Variants in KCTD16 observed in about 807,000 individuals in gnomAD.
The protein encoded by KCTD16 is BTB/POZ domain-containing protein KCTD16.
In KCTD16, 13 loss-of-function variants were observed where a neutral mutation model predicts 33.2. The observed-to-expected ratio is 0.39, with a 90% CI of 0.25 to 0.62. The LOEUF (loss-of-function observed/expected upper bound fraction) is 0.62, where lower values mean the gene tolerates loss of function less well. Ranked by LOEUF, KCTD16 falls within the 20% of genes least tolerant of loss-of-function variation. KCTD16 has a pLI of 0.50. For synonymous variants in KCTD16, 197 were observed against 195.3 expected (o/e 1.01, Z -0.07); for missense variants, 441 against 525.1 (o/e 0.84, Z 1.57).
intron 3 of KCTD16, among the ~76,000 whole-genome samples, chr5:144,247,056 G>A (rs1225624664): frequency 6.6e-6 from 1 of 152,140 alleles, no homozygotes; most frequent in Non-Finnish European, 1.5e-5. Flanking sequence ...AGTTTATTAG[G>A]TAAAGCACTT....
chr5:144,297,228 A>G (rs1267043486), intron 3 of KCTD16, among the ~76,000 whole-genome samples: 1 of 152,232 alleles, frequency 6.6e-6, no homozygotes, highest in Admixed American at 6.5e-5. Context: ...TTGCTGTAGG[A>G]AAAGTAAAAC....
At chr5:144,406,401 A>G (rs1752809950) in intron 3 of KCTD16, among the ~76,000 whole-genome samples, 1 of 152,246 alleles carries the variant, frequency 6.6e-6, no homozygotes, top group African/African-American at 2.4e-5. Context: ...TCAGAGAGTT[A>G]TTTATAATTT....
intron 3 of KCTD16, among the ~76,000 whole-genome samples, chr5:144,313,354 A>G (rs1251215755): frequency 6.6e-6 from 1 of 152,204 alleles, no homozygotes; most frequent in African/African-American, 2.4e-5. Context: ...GTTTTCTGCC[A>G]AACACACCCT....
At chr5:144,391,451 G>T (rs1388896031) in intron 3 of KCTD16, among the ~76,000 whole-genome samples, 1 of 152,166 alleles carries the variant, frequency 6.6e-6, no homozygotes, top group East Asian at 1.9e-4. Flanking sequence ...CCCAGGTGTT[G>T]TATTAATAAT....
chr5:144,269,164 G>C (rs888011644), intron 3 of KCTD16, among the ~76,000 whole-genome samples: 2 of 151,866 alleles, frequency 1.3e-5, no homozygotes, highest in African/African-American at 4.8e-5. Flanking sequence ...TGGGAAAAGG[G>C]GCAGAGAGAA....
At chr5:144,380,610 C>G (rs1008616951) in intron 3 of KCTD16, among the ~76,000 whole-genome samples, 2 of 152,082 alleles carry the variant, frequency 1.3e-5, no homozygotes, top group Non-Finnish European at 2.9e-5. Flanking sequence ...GCTCCAGTTA[C>G]CAAAACAGCA....
intron 3 of KCTD16, among the ~76,000 whole-genome samples, chr5:144,458,831 C>T (rs972964465): frequency 6.6e-6 from 1 of 152,142 alleles, no homozygotes; most frequent in Non-Finnish European, 1.5e-5. Flanking sequence ...ACTTTCTCTC[C>T]CTGTTGTAGA....
intron 3 of KCTD16, among the ~76,000 whole-genome samples, chr5:144,335,585 AG>A (rs1265873400): frequency 6.6e-6 from 1 of 152,212 alleles, no homozygotes; most frequent in Non-Finnish European, 1.5e-5. Context: ...AGCATGATAA[AG>A]GGCTCTAATA....
At chr5:144,235,521 T>G (rs10054212) in intron 3 of KCTD16, among the ~76,000 whole-genome samples, 2,137 of 152,222 alleles carry the variant, frequency 0.014, 43 homozygotes, top group African/African-American at 0.048. Flanking sequence ...GGTGCCTGTT[T>G]CCTTATCTAC....
chr5:144,458,295 T>A (rs569943002), intron 3 of KCTD16, among the ~76,000 whole-genome samples: 2 of 152,174 alleles, frequency 1.3e-5, no homozygotes, highest in East Asian at 3.9e-4. Flanking sequence ...CAGAGTGTAG[T>A]GCGATTTATA....
At chr5:144,393,400 T>C (rs1461736651) in intron 3 of KCTD16, among the ~76,000 whole-genome samples, 1 of 152,092 alleles carries the variant, frequency 6.6e-6, no homozygotes, top group East Asian at 1.9e-4. Flanking sequence ...AAAGTGGGGG[T>C]AAATCTGTGT....
At chr5:144,414,227 G>A (rs1175357745) in intron 3 of KCTD16, among the ~76,000 whole-genome samples, 2 of 152,076 alleles carry the variant, frequency 1.3e-5, no homozygotes, top group Non-Finnish European at 2.9e-5. Flanking sequence ...TTTCGTTCAT[G>A]TTTTCCTCTC....
chr5:144,482,751 G>GTA lies in KCTD16; in HGVS notation c.*8645_*8646dup, dbSNP rs575034076. ...GTTTTGTGTTTATGTATAAAATTAT[G>GTA]TATATATATGTACATATGTGTGTAC... On this transcript the variant is annotated 3_prime_UTR_variant, in exon 4 of 4. Coordinates refer to ENST00000512467, the MANE Select transcript of KCTD16 (RefSeq NM_020768.4). 12 of 151,642 alleles carry GTA rather than the reference G, an allele frequency of 7.9e-5. No individual in the cohort carries two copies. The highest frequency in any genetic ancestry group is 2.6e-4 in the Admixed American group (4 of 15,192). The allele number at this position is 151,642 out of a possible 1,614,324, so 9.4% of individuals were successfully genotyped here. A position where few individuals can be genotyped will look rare whatever the true frequency, so the allele number is the denominator to read the frequency against.
intron 3 of KCTD16, among the ~76,000 whole-genome samples, chr5:144,231,751 C>A (rs984047118): frequency 1.3e-5 from 2 of 152,150 alleles, no homozygotes; most frequent in African/African-American, 4.8e-5. Flanking sequence ...GGCACTGCTC[C>A]TTGCTGCCAC....
At chr5:144,448,980 T>C (rs969817937) in intron 3 of KCTD16, among the ~76,000 whole-genome samples, 2 of 152,048 alleles carry the variant, frequency 1.3e-5, no homozygotes, top group African/African-American at 2.4e-5. Context: ...TCATATAAAG[T>C]CTGGGAGCAT....
intron 3 of KCTD16, among the ~76,000 whole-genome samples, chr5:144,257,090 G>C (rs963077532): frequency 6.6e-6 from 1 of 152,066 alleles, no homozygotes; most frequent in Non-Finnish European, 1.5e-5. Flanking sequence ...CTTTATATTT[G>C]AATTACTTAT....
chr5:144,418,031 A>G (rs1175123312), intron 3 of KCTD16, among the ~76,000 whole-genome samples: 1 of 152,058 alleles, frequency 6.6e-6, no homozygotes, highest in Admixed American at 6.6e-5. Context: ...TGCTGACTTC[A>G]GGTGTGAAGC....
In KCTD16 at chr5:144,404,862, C is replaced by G. The variant is rs536589203; in HGVS notation, c.833-68798C>G. On this transcript the variant is annotated intron_variant, in intron 3 of 3. Transcript: ENST00000512467. ...AGATTATTTCACTTCCGAACTACTCCCCACTTTAGCAGGTGCAGAGCTGGC... is the reference window on the plus strand; with the variant it reads ...AGATTATTTCACTTCCGAACTACTCGCCACTTTAGCAGGTGCAGAGCTGGC... 1.1e-4 allele frequency among the ~76,000 whole-genome samples: 17 copies of G among 152,246 alleles called. No homozygotes were observed. In the South Asian group the frequency reaches 3.5e-3, roughly 32 times the overall value.
chr5:144,246,934 A>G (rs1321315135), intron 3 of KCTD16, among the ~76,000 whole-genome samples: 2 of 152,204 alleles, frequency 1.3e-5, no homozygotes, highest in African/African-American at 4.8e-5. Context: ...TCTCAGCAAC[A>G]CCTGTCAACA....
Sources: allele counts gnomAD v4.1 joint callset (sites outside exome capture counted in the v4.1 genomes callset), GRCh38; gene constraint gnomAD v4.1.1; transcripts MANE v1.5; gene names NCBI Gene and HGNC (gene_info 2026-07-23, HGNC 2026-07-21).